PRPF39: variants seen among roughly 807,000 people sequenced by gnomAD.
PRPF39 encodes pre-mRNA processing factor 39.
PRPF39 carries 27 observed loss-of-function variants against 82.1 expected under a neutral mutation model. The observed-to-expected ratio is 0.33, with a 90% CI of 0.24 to 0.45. The LOEUF is 0.45. PRPF39 is among the 20% of genes least tolerant of loss of function. The pLI is 1.00. For missense variants in PRPF39, 581 were observed against 796.9 expected, an observed-to-expected ratio of 0.73 and a Z score of 3.26; for synonymous variants, 261 against 256.4, an observed-to-expected ratio of 1.02 and a Z score of -0.17.
At chr14:45,097,387 G>T (rs1490837067) in intron 4 of PRPF39, among the ~76,000 whole-genome samples, 1 of 151,532 alleles carries the variant, frequency 6.6e-6, no homozygotes, top group Non-Finnish European at 1.5e-5. Context: ...TTTATAAAAA[G>T]TATCTTATAA....
Position 45,110,216 on chromosome 14 carries a change from G to A in PRPF39, c.1299G>A (p.Gln433=). 2 of 1,613,370 alleles carry A rather than the reference G, an allele frequency of 1.2e-6. No individual in the cohort carries two copies. Among genetic ancestry groups the A allele is most frequent in the South Asian group, 1.1e-5 (1 of 90,906 alleles). ...TGCTTTGGGCAGCTTTTGAGGAACA[G>A]CAGGGTAAGAGTGGAGAAATTCAGT... ...VHMLWAAFEE[Q]QGNINEARNI... Residue 433 remains glutamine (Q), a synonymous_variant, in exon 9 of 14, where the codon CAG becomes CAA. Coordinates refer to ENST00000355765, the MANE Select transcript of PRPF39 (RefSeq NM_017922.4). The surrounding 1 kb of genome is among the most constrained non-coding windows in gnomAD (Gnocchi z 4.0).
intron 1 of PRPF39, among the ~76,000 whole-genome samples, chr14:45,089,654 A>C (rs1023578547): frequency 6.6e-6 from 1 of 152,150 alleles, no homozygotes; most frequent in Non-Finnish European, 1.5e-5. Context: ...TGATCGGCCT[A>C]CTTGGCCTCC....
rs377044579 is a variant in PRPF39, at chr14:45,110,702, A to G, written c.1457A>G (p.Lys486Arg). The change falls in exon 10 of 14, where the codon AAA (lysine) becomes AGA (arginine). Residue 486 changes from lysine (K) to arginine (R), a missense_variant. Lys to Arg is a conservative substitution (Grantham distance 26, BLOSUM62 2). Transcript: ENST00000355765. This position sits in a 1 kb window ranked among gnomAD's most constrained non-coding sequence, Gnocchi z 4.0. ...CTTCAGGATGCCATTAAGAATGCCA[A>G]ATCAAATAATGAATCTTCATTTTAT... is the stretch of plus-strand genomic sequence containing the variant. ...HLLQDAIKNA[K>R]SNNESSFYAV... The G allele has an allele frequency of 1.2e-5, 19 of 1,569,972 alleles. No individual in the cohort carries two copies. The highest frequency in any genetic ancestry group is 2.3e-5 in the South Asian group (2 of 85,342).
chr14:45,108,448 A>G lies in PRPF39; in HGVS notation c.937A>G (p.Ile313Val). 6.3e-7 allele frequency: 1 copy of G among 1,595,072 alleles called. No homozygotes were observed. Among genetic ancestry groups the G allele is most frequent in the Non-Finnish European group, 8.5e-7 (1 of 1,174,776 alleles). The change falls in exon 7 of 14, where the codon ATC (isoleucine) becomes GTC (valine). Residue 313 changes from isoleucine (I) to valine (V), a missense_variant. Ile to Val is a conservative substitution (Grantham distance 29, BLOSUM62 3). Transcript: ENST00000355765. ...ITEIENMRHR[I>V]IEIHQEMFNY... ...AGAAATAGAAAACATGAGACATAGA[A>G]TCATTGAGATTCATCAAGAAATGTT...
At chr14:45,092,652 T>G (rs1214948201) in intron 1 of PRPF39, among the ~76,000 whole-genome samples, 1 of 151,224 alleles carries the variant, frequency 6.6e-6, no homozygotes, top group Non-Finnish European at 1.5e-5. Flanking sequence ...AAATTTAGTA[T>G]TATTCTTCAA....
intron 4 of PRPF39, among the ~76,000 whole-genome samples, chr14:45,098,397 C>G (rs999515630): frequency 6.7e-6 from 1 of 149,312 alleles, no homozygotes; most frequent in Non-Finnish European, 1.5e-5. Flanking sequence ...GAGCCAAGAT[C>G]GATCGTGCCA....
chr14:45,116,109 A>T lies in PRPF39; in HGVS notation c.*1196A>T. Reference sequence around the variant, plus strand: ...TTCCAGTTGACTCTTCCTTTACAATAGTAACAAGTTCTAACTAGTTGTGTA... The same window carrying T: ...TTCCAGTTGACTCTTCCTTTACAATTGTAACAAGTTCTAACTAGTTGTGTA... On this transcript the variant is annotated 3_prime_UTR_variant, in exon 14 of 14. Coordinates refer to ENST00000355765, the MANE Select transcript of PRPF39 (RefSeq NM_017922.4). 2.2e-6 allele frequency: 2 copies of T among 900,920 alleles called. No individual in the cohort carries two copies. The highest frequency in any genetic ancestry group is 3.6e-6 in the Non-Finnish European group (2 of 555,034). 55.8% of individuals were successfully genotyped at this position (900,920 alleles called of 1,614,324 possible). A position where few individuals can be genotyped will look rare whatever the true frequency, so the allele number is the denominator to read the frequency against.
Position 45,110,287 on chromosome 14 carries a change from T to TG in PRPF39, c.1303+68dup, listed in dbSNP as rs551846138. 3.3e-4 allele frequency: 523 copies of TG among 1,586,448 alleles called. 1 individual carries two copies. Among genetic ancestry groups the TG allele is most frequent in the Admixed American group, 7.5e-4 (43 of 57,068 alleles). ...GTTATTTCAGGAAACAGTGACAAAT[T>TG]GAGTGGTAAGGGATGGTGTAAAGCA... On this transcript the variant is annotated intron_variant, in intron 9 of 13. Coordinates refer to ENST00000355765, the MANE Select transcript of PRPF39 (RefSeq NM_017922.4). The surrounding 1 kb of genome is among the most constrained non-coding windows in gnomAD (Gnocchi z 4.0).
chr14:45,096,676 A>C, intron 3 of PRPF39: 4 of 1,511,832 alleles, frequency 2.6e-6, no homozygotes, highest in Non-Finnish European at 3.5e-6. Flanking sequence ...GTCAGAATGC[A>C]GGGACTGCTG....
chr14:45,091,820 T>C lies in PRPF39; in HGVS notation c.-19-3401T>C, dbSNP rs145067280. On this transcript the variant is annotated intron_variant, in intron 1 of 13. Transcript: ENST00000355765. ...CGGGGATATAAAGCAATGGACAGTC[T>C]CATGCACTGTTGATGACTTAATTGG... 2.7e-4 allele frequency among the ~76,000 whole-genome samples: 41 copies of C among 152,368 alleles called. 1 individual carries two copies. The highest frequency in any genetic ancestry group is 8.9e-4 in the African/African-American group (37 of 41,598).
At chr14:45,101,115 C>T (rs1884360646) in intron 4 of PRPF39, among the ~76,000 whole-genome samples, 1 of 152,134 alleles carries the variant, frequency 6.6e-6, no homozygotes, top group Non-Finnish European at 1.5e-5. Flanking sequence ...CGTGTAATTA[C>T]TATAGCTTCC....
Position 45,110,513 on chromosome 14 carries a change from T to A in PRPF39, c.1304-36T>A. The A allele has an allele frequency of 6.5e-7, 1 of 1,534,644 alleles. No individual in the cohort carries two copies. Among genetic ancestry groups the A allele is most frequent in the Non-Finnish European group, 8.8e-7 (1 of 1,135,504 alleles). ...GGTTATAAACGTTATTTTGGTTGTT[T>A]AAACCAAAGCATAAACATTTAATTA... On this transcript the variant is annotated intron_variant, in intron 9 of 13. Coordinates refer to ENST00000355765, the MANE Select transcript of PRPF39 (RefSeq NM_017922.4). The surrounding 1 kb of genome is among the most constrained non-coding windows in gnomAD (Gnocchi z 4.0).
intron 1 of PRPF39, among the ~76,000 whole-genome samples, chr14:45,094,574 T>C (rs1486580976): frequency 1.3e-5 from 2 of 152,170 alleles, no homozygotes; most frequent in Non-Finnish European, 2.9e-5. Flanking sequence ...GCCCCTTAAA[T>C]GTGTTTTAAG....
At chr14:45,085,193 G>T (rs923522814) in intron 1 of PRPF39, among the ~76,000 whole-genome samples, 1 of 152,078 alleles carries the variant, frequency 6.6e-6, no homozygotes, top group Admixed American at 6.6e-5. Context: ...TCTACTGTCA[G>T]GTTTTCCTCC....
intron 3 of PRPF39, 67 bp downstream of exon 3, chr14:45,096,295 ATTTT>A (rs374922767): frequency 3.9e-3 from 4,893 of 1,266,200 alleles, no homozygotes; most frequent in Admixed American, 8.9e-3. Flanking sequence ...CAAAACAAAG[ATTTT>A]TTTTTTTTTT....
Position 45,107,540 on chromosome 14 carries a change from ATGGTCATAG to A in PRPF39, c.832_840del (p.His278_Gly280del). The stretch of plus-strand genomic sequence containing the variant: ...TTGCGAAGGGAATTAGCTTCTGTAA[ATGGTCATAG>A]TGGTGATGATGGTCCTCCTGGTGAT... On this transcript the variant is annotated inframe_deletion, in exon 6 of 14. Transcript: ENST00000355765. 1 of 1,556,814 alleles carries A rather than the reference ATGGTCATAG, an allele frequency of 6.4e-7. No homozygotes were observed. Among genetic ancestry groups the A allele is most frequent in the Non-Finnish European group, 8.7e-7 (1 of 1,148,956 alleles).
At chr14:45,100,862 A>G (rs978995189) in intron 4 of PRPF39, among the ~76,000 whole-genome samples, 14 of 152,118 alleles carry the variant, frequency 9.2e-5, no homozygotes, top group African/African-American at 2.4e-4. Context: ...TTTTGTGCCT[A>G]TTTTACCAAA....
intron 1 of PRPF39, among the ~76,000 whole-genome samples, chr14:45,087,727 C>T (rs147760140): frequency 1.7e-4 from 26 of 148,780 alleles, no homozygotes; most frequent in African/African-American, 6.0e-4. Flanking sequence ...GCGCCCGTCA[C>T]CATGCCCGGC....
At chr14:45,089,742 C>T (rs758724082) in intron 1 of PRPF39, among the ~76,000 whole-genome samples, 9 of 152,102 alleles carry the variant, frequency 5.9e-5, no homozygotes. Context: ...ATTCTGTACC[C>T]TTTCCCATTT....
Sources: gnomAD v4.1 joint callset for allele counts (sites outside exome capture counted in the v4.1 genomes callset) on GRCh38, gnomAD v4.1.1 for gene constraint, Gnocchi (gnomAD v3.1) non-coding constraint, MANE v1.5 for transcripts, NCBI Gene and HGNC (gene_info 2026-07-23, HGNC 2026-07-21) for gene names.